DIP2C: variants seen among roughly 807,000 people sequenced by gnomAD.
DIP2C encodes DIP2 acetate--CoA ligase C (putative), also known as disco-interacting protein 2 homolog C.
DIP2C carries 33 observed loss-of-function variants against 192.4 expected under a neutral mutation model. The ratio of observed to expected loss-of-function variants is 0.17; its 90% CI spans 0.13 to 0.23. The LOEUF is 0.23. Among genes scored for constraint, DIP2C ranks in the 10% least tolerant of loss-of-function variants. The probability of loss-of-function intolerance (pLI) is 1.00; values close to 1 mark genes in which losing one functional copy is unlikely to be tolerated. For missense variants in DIP2C, 1,537 were observed against 2,110.1 expected, an observed-to-expected ratio of 0.73 and a Z score of 5.32; for synonymous variants, 979 against 864.1, an observed-to-expected ratio of 1.13 and a Z score of -2.33.
At chr10:595,149 G>C (rs1416563025) in intron 1 of DIP2C, among the ~76,000 whole-genome samples, 4 of 152,184 alleles carry the variant, frequency 2.6e-5, no homozygotes, top group African/African-American at 9.7e-5. Flanking sequence ...GCGAGGCGCA[G>C]GGCCCACACG....
intron 9 of DIP2C, among the ~76,000 whole-genome samples, chr10:408,310 C>G (rs1271274880): frequency 6.6e-6 from 1 of 151,658 alleles, no homozygotes; most frequent in African/African-American, 2.4e-5. Context: ...GTGTCTGTCT[C>G]TAAGCCAGTA....
intron 1 of DIP2C, among the ~76,000 whole-genome samples, chr10:530,066 C>T (rs1417632879): frequency 3.3e-5 from 5 of 152,266 alleles, no homozygotes; most frequent in Non-Finnish European, 5.9e-5. Context: ...GCTCTGCACA[C>T]GATGCCGAGT....
intron 1 of DIP2C, among the ~76,000 whole-genome samples, chr10:539,791 G>A (rs1003446496): frequency 6.6e-6 from 1 of 152,148 alleles, no homozygotes; most frequent in Non-Finnish European, 1.5e-5. Flanking sequence ...ACTGTAAGCT[G>A]CTTTGGTTTT....
chr10:317,035 T>C (rs1956806044), intron 31 of DIP2C, among the ~76,000 whole-genome samples: 1 of 152,198 alleles, frequency 6.6e-6, no homozygotes, highest in African/African-American at 2.4e-5. Context: ...AACAAGAGTC[T>C]CTTGTGACTT....
chr10:492,944 T>C (rs1844551250), intron 1 of DIP2C, among the ~76,000 whole-genome samples: 1 of 152,232 alleles, frequency 6.6e-6, no homozygotes, highest in Non-Finnish European at 1.5e-5. Flanking sequence ...GAGAATAATG[T>C]AGTATTAACA....
rs145887814 is a variant in DIP2C, at chr10:297,325, G to A, written c.3987-8904C>T. ...CGATCCAACAATCCCACTACTGGGC[G>A]CCTATCCAAAGGAAATGAAATCATC... On this transcript the variant is annotated intron_variant, in intron 32 of 36. Coordinates refer to ENST00000280886, the MANE Select transcript of DIP2C (RefSeq NM_014974.3). Among the ~76,000 whole-genome samples, 47 of 139,764 alleles carry A rather than the reference G, an allele frequency of 3.4e-4. No individual in the cohort carries two copies. In the South Asian group the frequency reaches 4.3e-3, roughly 13 times the overall value. 91.7% of individuals were successfully genotyped at this position (139,764 alleles called of 152,430 possible). A position where few individuals can be genotyped will look rare whatever the true frequency, so the allele number is the denominator to read the frequency against.
At chr10:452,747 A>C (rs957699874) in intron 3 of DIP2C, among the ~76,000 whole-genome samples, 2 of 152,056 alleles carry the variant, frequency 1.3e-5, no homozygotes, top group East Asian at 3.9e-4. Flanking sequence ...AACACCACAC[A>C]CCGCTACTGA....
chr10:326,960 G>A (rs371347498), intron 31 of DIP2C, 46 bp downstream of exon 31: 29 of 1,578,982 alleles, frequency 1.8e-5, no homozygotes, highest in South Asian at 6.0e-5. Context: ...TACCCACCCC[G>A]GGAGCCACAC....
Position 462,294 on chromosome 10 carries a change from A to T in DIP2C, c.268+10145T>A, listed in dbSNP as rs185695296. Among the ~76,000 whole-genome samples, 24 of 152,300 alleles carry T rather than the reference A, an allele frequency of 1.6e-4. No homozygotes were observed. In the East Asian group the frequency reaches 4.4e-3, roughly 28 times the overall value. On this transcript the variant is annotated intron_variant, in intron 3 of 36. Coordinates refer to ENST00000280886, the MANE Select transcript of DIP2C (RefSeq NM_014974.3). ...TAGATAGACCACTAGCCAGACAAAGAAGAAAAGAGAGAAGAATCAAATAGA... is the reference window on the plus strand; with the variant it reads ...TAGATAGACCACTAGCCAGACAAAGTAGAAAAGAGAGAAGAATCAAATAGA...
chr10:648,048 G>C (rs10737001), intron 1 of DIP2C, among the ~76,000 whole-genome samples: 123,295 of 130,506 alleles, frequency 0.94, 58,162 homozygotes, highest in Admixed American at 0.97. Context: ...GAGAACAGAG[G>C]GAAACTGAGT....
At chr10:281,683 C>T (rs1262169817) in intron 35 of DIP2C, among the ~76,000 whole-genome samples, 1 of 152,246 alleles carries the variant, frequency 6.6e-6, no homozygotes, top group Non-Finnish European at 1.5e-5. Flanking sequence ...GTGGACCCAT[C>T]GGCTGAGGCC....
At chr10:679,722 C>T (rs546485827) in intron 1 of DIP2C, among the ~76,000 whole-genome samples, 34 of 151,124 alleles carry the variant, frequency 2.2e-4, no homozygotes, top group African/African-American at 8.3e-4. Flanking sequence ...CTCCCTGCAT[C>T]CGTCCTCCCC....
At chr10:479,657 A>G (rs938634427) in intron 2 of DIP2C, among the ~76,000 whole-genome samples, 1 of 151,968 alleles carries the variant, frequency 6.6e-6, no homozygotes, top group Non-Finnish European at 1.5e-5. Context: ...CTTTCTATCC[A>G]TCTTTCATGA....
At chr10:286,199 T>C in intron 34 of DIP2C, 74 bp downstream of exon 34, 1 of 1,428,338 alleles carries the variant, frequency 7.0e-7, no homozygotes, top group Admixed American at 1.7e-5. Flanking sequence ...ATGTGAGCAG[T>C]TCTGATGGTG....
At chr10:574,596 T>C (rs1049342980) in intron 1 of DIP2C, among the ~76,000 whole-genome samples, 3 of 152,206 alleles carry the variant, frequency 2.0e-5, no homozygotes, top group Non-Finnish European at 4.4e-5. Context: ...TTCTTCTTCA[T>C]GGGAAAACCG....
At position 361,390 on chromosome 10, in the gene DIP2C, G is replaced by GCTGCTCT. The variant is rs1277140137; in HGVS notation, c.2794+1093_2794+1099dup. Among the ~76,000 whole-genome samples the GCTGCTCT allele has an allele frequency of 1.3e-5, 2 of 152,166 alleles. 1 individual carries two copies. Among genetic ancestry groups the GCTGCTCT allele is most frequent in the East Asian group, 3.9e-4 (2 of 5,186 alleles). Reference sequence around the variant, plus strand: ...TCCTGACCTCGGCGTGAGGCTGCTGGCTGCTCTCTCTCGCCTGGGTTTTCC... The same window carrying GCTGCTCT: ...TCCTGACCTCGGCGTGAGGCTGCTGGCTGCTCTCTGCTCTCTCTCGCCTGGGTTTTCC... On this transcript the variant is annotated intron_variant, in intron 22 of 36. Coordinates refer to ENST00000280886, the MANE Select transcript of DIP2C (RefSeq NM_014974.3).
chr10:533,000 G>A (rs1239227829), intron 1 of DIP2C, among the ~76,000 whole-genome samples: 1 of 152,162 alleles, frequency 6.6e-6, no homozygotes, highest in Non-Finnish European at 1.5e-5. Flanking sequence ...GATTACAGGT[G>A]TGAGCCACTA....
rs1395449025 is a variant in DIP2C, at chr10:363,050, C to T, written c.2592+147G>A. ...GATCTGCTGAGCTAGTTTCTGGACACTTGATGTAGTTCCTGATCAAATGAA... is the reference window on the plus strand; with the variant it reads ...GATCTGCTGAGCTAGTTTCTGGACATTTGATGTAGTTCCTGATCAAATGAA... On this transcript the variant is annotated intron_variant, in intron 21 of 36. Transcript: ENST00000280886. The surrounding 1 kb of genome is among the most constrained non-coding windows in gnomAD (Gnocchi z 5.4). 1 of 688,330 alleles carries T rather than the reference C, an allele frequency of 1.5e-6. No individual in the cohort carries two copies. Among genetic ancestry groups the T allele is most frequent in the Admixed American group, 2.7e-5 (1 of 36,416 alleles). 42.6% of individuals were successfully genotyped at this position (688,330 alleles called of 1,614,324 possible).
chr10:524,967 CAAAAAAA>C (rs10652748), intron 1 of DIP2C, among the ~76,000 whole-genome samples: 1 of 111,212 alleles, frequency 9.0e-6, no homozygotes, highest in Non-Finnish European at 1.7e-5. Flanking sequence ...ATCACAATTT[CAAAAAAA>C]AAAAAAAAAG....
Sources: allele counts gnomAD v4.1 joint callset (sites outside exome capture counted in the v4.1 genomes callset), GRCh38; gene constraint gnomAD v4.1.1; non-coding constraint Gnocchi (gnomAD v3.1); transcripts MANE v1.5; gene names NCBI Gene and HGNC (gene_info 2026-07-23, HGNC 2026-07-21).